The following PMPCB variants were observed in gnomAD, a reference collection of about 807,000 sequenced individuals.
PMPCB encodes the protein mitochondrial-processing peptidase subunit beta.
A neutral mutation model predicts 61.5 loss-of-function variants in PMPCB; 46 were observed. The observed-to-expected ratio is 0.75, with a 90% CI of 0.59 to 0.96. The LOEUF (loss-of-function observed/expected upper bound fraction) is 0.96, where lower values mean the gene tolerates loss of function less well. PMPCB is among the 40% of genes least tolerant of loss of function. The pLI, the probability that PMPCB is intolerant of heterozygous loss-of-function variation, is 0.00. For missense variants in PMPCB, 590 were observed against 602.4 expected (o/e 0.98, Z 0.22); for synonymous variants, 191 against 201.6 (o/e 0.95, Z 0.44).
At position 103,309,024 on chromosome 7, in the gene PMPCB, C is replaced by G. The variant is rs1817664943; in HGVS notation, c.922C>G (p.Pro308Ala). 3.7e-6 allele frequency: 6 copies of G among 1,608,754 alleles called. No individual in the cohort carries two copies. Among genetic ancestry groups the G allele is most frequent in the Non-Finnish European group, 5.1e-6 (6 of 1,177,024 alleles). ...TGTTGAAGCTGTTGGTTGGGCACAT[C>G]CAGATACAATCTGTCTCATGGTTGC... ...IAVEAVGWAH[P>A]DTICLMVANT... The change falls in exon 8 of 13, where the codon CCA becomes GCA. Residue 308 changes from proline (P) to alanine (A), a missense_variant. Coordinates refer to ENST00000249269, the MANE Select transcript of PMPCB (RefSeq NM_004279.3).
chr7:103,312,007 CTTTGT>C (rs1162265092), intron 11 of PMPCB, 44 bp from the exon 12 acceptor site: 1 of 1,583,732 alleles, frequency 6.3e-7, no homozygotes, highest in Non-Finnish European at 8.6e-7. Flanking sequence ...CAGGTATAGA[CTTTGT>C]TTTTACTACA....
downstream of PMPCB, among the ~76,000 whole-genome samples, chr7:103,333,951 ATTT>A (rs1213072243): frequency 1.4e-5 from 2 of 139,488 alleles, no homozygotes; most frequent in Admixed American, 7.1e-5. Flanking sequence ...TGTTGTGAAC[ATTT>A]TTTTTTTTTT....
Position 103,312,359 on chromosome 7 carries a change from A to C in PMPCB, c.*88A>C. 3.2e-6 allele frequency: 5 copies of C among 1,563,890 alleles called. No individual in the cohort carries two copies. Among genetic ancestry groups the C allele is most frequent in the Non-Finnish European group, 4.3e-6 (5 of 1,163,228 alleles). ...AAATGAACATGTATATACATTTGGA[A>C]ATTTGAATTAAATACTGTATCATAC... On this transcript the variant is annotated 3_prime_UTR_variant, in exon 13 of 13. Transcript: ENST00000249269.
At position 103,307,501 on chromosome 7, in the gene PMPCB, G is replaced by T. The variant is rs1349071392; in HGVS notation, c.737-95G>T. On this transcript the variant is annotated intron_variant, in intron 6 of 12. Coordinates refer to ENST00000249269, the MANE Select transcript of PMPCB (RefSeq NM_004279.3). The stretch of plus-strand genomic sequence containing the variant: ...TAATGGCTTTTAGTGAGTGTAGATA[G>T]TTCATGTGTAATGTACATCACATTA... 5.7e-6 allele frequency: 4 copies of T among 707,066 alleles called. No individual in the cohort carries two copies. The East Asian group carries it at 1.1e-4, about 19-fold the overall frequency. The allele number at this position is 707,066 out of a possible 1,614,324, so 43.8% of individuals were successfully genotyped here.
chr7:103,297,871 G>A (rs1415877240), intron 1 of PMPCB: 15 of 1,436,704 alleles, frequency 1.0e-5, no homozygotes, highest in African/African-American at 1.4e-5. Flanking sequence ...AAAGTGAAAT[G>A]GGTACCGCTC....
At chr7:103,308,917 C>A in intron 7 of PMPCB, 35 bp from the exon 8 acceptor site, 1 of 1,498,084 alleles carries the variant, frequency 6.7e-7, no homozygotes, top group East Asian at 2.4e-5. Flanking sequence ...TAATGTTAAT[C>A]TTAACTAGAG....
rs372942056 is a variant in PMPCB, at chr7:103,297,500, C to T, written c.41C>T (p.Ala14Val). 3.2e-6 allele frequency: 5 copies of T among 1,576,302 alleles called. No homozygotes were observed. The highest frequency in any genetic ancestry group is 1.4e-5 in the African/African-American group (1 of 73,742). The change falls in exon 1 of 13, where the codon GCG (alanine) becomes GTG (valine). Residue 14 changes from alanine to valine, a missense_variant. Ala to Val is a moderately conservative substitution (Grantham distance 64). Coordinates refer to ENST00000249269, the MANE Select transcript of PMPCB (RefSeq NM_004279.3). ...AAARVVLSSA[A>V]RRRLWGFSES... ...GCTCGAGTGGTGTTGTCATCCGCGG[C>T]GCGGCGGCGGCTCTGGGGTTTCAGC...
chr7:103,345,884 G>T, the PMPCB span, among the ~76,000 whole-genome samples: 1 of 151,828 alleles, frequency 6.6e-6, no homozygotes. Context: ...GGTGGAGGTT[G>T]CAGTGAGCTG....
In PMPCB at chr7:103,314,065, ACAAAG is replaced by A; in HGVS notation, c.*1797_*1801del. On this transcript the variant is annotated 3_prime_UTR_variant, in exon 13 of 13. Coordinates refer to ENST00000249269, the MANE Select transcript of PMPCB (RefSeq NM_004279.3). ...AAAACAAAACCACCACCTATTCAAA[ACAAAG>A]CAGAGAATTTGTATAATATTTGATG... 1 of 985,416 alleles carries A rather than the reference ACAAAG, an allele frequency of 1.0e-6. No individual in the cohort carries two copies. The highest frequency in any genetic ancestry group is 1.2e-6 in the Non-Finnish European group (1 of 829,932). The allele number at this position is 985,416 out of a possible 1,614,324, so 61.0% of individuals were successfully genotyped here. A position where few individuals can be genotyped will look rare whatever the true frequency, so the allele number is the denominator to read the frequency against.
Position 103,310,377 on chromosome 7 carries a change from T to C in PMPCB, c.1056T>C (p.Ser352=), listed in dbSNP as rs773409120. The C allele has an allele frequency of 1.1e-5, 18 of 1,613,778 alleles. No individual in the cohort carries two copies. In the East Asian group the frequency reaches 4.0e-4, roughly 36 times the overall value. The change falls in exon 9 of 13, where the codon TCT becomes TCC. Residue 352 remains serine, a synonymous_variant. Coordinates refer to ENST00000249269, the MANE Select transcript of PMPCB (RefSeq NM_004279.3). ...CHGNLCHSFQ[S]FNTSYTDTGL... is the part of the protein sequence containing the mutation. The stretch of plus-strand genomic sequence containing the variant: ...GCAATCTTTGCCATAGCTTTCAGTC[T>C]TTCAACACTTCCTACACAGATACAG...
downstream of PMPCB, among the ~76,000 whole-genome samples, chr7:103,331,117 C>G (rs149939619): frequency 2.8e-4 from 43 of 151,942 alleles, 1 homozygote; most frequent in East Asian, 7.0e-3. Flanking sequence ...CCACCACGCT[C>G]AGCTAATTTT....
downstream of PMPCB, among the ~76,000 whole-genome samples, chr7:103,315,470 C>T (rs998189040): frequency 2.6e-5 from 4 of 152,070 alleles, no homozygotes; most frequent in African/African-American, 7.2e-5. Context: ...GCAATTATCC[C>T]GATATAACAC....
At chr7:103,302,152 A>G (rs900959150) in intron 4 of PMPCB, among the ~76,000 whole-genome samples, 2 of 152,204 alleles carry the variant, frequency 1.3e-5, no homozygotes, top group Non-Finnish European at 2.9e-5. Flanking sequence ...ATGGATGCAT[A>G]GTATTCCATG....
At chr7:103,331,359 T>C (rs1818962302), downstream of PMPCB, among the ~76,000 whole-genome samples, 1 of 152,256 alleles carries the variant, frequency 6.6e-6, no homozygotes, top group Non-Finnish European at 1.5e-5. Context: ...CTATGTATTG[T>C]GAACATTTCA....
At chr7:103,326,367 G>A (rs916506098) in intron 12 of PMPCB, among the ~76,000 whole-genome samples, 2 of 152,148 alleles carry the variant, frequency 1.3e-5, no homozygotes, top group African/African-American at 4.8e-5. Flanking sequence ...CAATATAAAT[G>A]AGAACAGTAA....
chr7:103,345,020 G>T, the PMPCB span: 3 of 386,092 alleles, frequency 7.8e-6, no homozygotes, highest in East Asian at 1.2e-4. Flanking sequence ...ACTGCTTTAT[G>T]TATTAATCTG....
rs764295234 is a variant in PMPCB at position 103,313,423 on chromosome 7, G to C, written c.*1152G>C. On this transcript the variant is annotated 3_prime_UTR_variant, in exon 13 of 13. Coordinates refer to ENST00000249269, the MANE Select transcript of PMPCB (RefSeq NM_004279.3). ...AAGCCATATTTAAATTTATAGTACT[G>C]TTGGACTCTTGGACTCAAAAACACA... 1.0e-6 allele frequency: 1 copy of C among 983,530 alleles called. No homozygotes were observed. The highest frequency in any genetic ancestry group is 1.7e-5 in the African/African-American group (1 of 57,194). The allele number at this position is 983,530 out of a possible 1,614,324, so 60.9% of individuals were successfully genotyped here.
At chr7:103,345,870 G>A in the PMPCB span, among the ~76,000 whole-genome samples, 1,259 of 151,870 alleles carry the variant, frequency 8.3e-3, 13 homozygotes, top group African/African-American at 0.028. Context: ...CGTTGAGGCC[G>A]GGAGGTGGAG....
chr7:103,344,928 A>G, the PMPCB span: 12 of 553,978 alleles, frequency 2.2e-5, no homozygotes, highest in African/African-American at 2.3e-4. Context: ...TTCCTGTAAA[A>G]AGGATTATAT....
Sources: gnomAD v4.1 joint callset for allele counts (sites outside exome capture counted in the v4.1 genomes callset) on GRCh38, gnomAD v4.1.1 for gene constraint, MANE v1.5 for transcripts, NCBI Gene and HGNC (gene_info 2026-07-23, HGNC 2026-07-21) for gene names.